DAPK1: variants seen among roughly 807,000 people sequenced by gnomAD.
The protein encoded by DAPK1 is death associated protein kinase 1.
In DAPK1, 56 loss-of-function variants were observed where a neutral mutation model predicts 144.9. That is an observed-to-expected ratio of 0.39 (90% confidence interval 0.31 to 0.48). The LOEUF (loss-of-function observed/expected upper bound fraction) is 0.48, where lower values mean the gene tolerates loss of function less well. Ranked by LOEUF, DAPK1 falls within the 20% of genes least tolerant of loss-of-function variation. DAPK1 has a pLI of 0.95. For missense variants in DAPK1, 1,454 were observed against 1,875.4 expected (o/e 0.78, Z 4.15); for synonymous variants, 690 against 749.0 (o/e 0.92, Z 1.29).
chr9:87,700,574 C>T (rs1587854996), intron 24 of DAPK1, among the ~76,000 whole-genome samples: 1 of 152,166 alleles, frequency 6.6e-6, no homozygotes, highest in East Asian at 1.9e-4. Flanking sequence ...TCATAGCTCA[C>T]CGTAACCTTG....
At chr9:87,674,539 A>AC (rs1824294783) in intron 19 of DAPK1, among the ~76,000 whole-genome samples, 1 of 144,080 alleles carries the variant, frequency 6.9e-6, no homozygotes, top group African/African-American at 2.5e-5. Flanking sequence ...AAAAAAAAAA[A>AC]GTAGTTTGCT....
chr9:87,638,953 C>T (rs541887144), intron 4 of DAPK1, among the ~76,000 whole-genome samples: 2 of 152,368 alleles, frequency 1.3e-5, no homozygotes, highest in South Asian at 4.1e-4. Context: ...AAGCAACTGT[C>T]AGCCATGGAG....
intron 2 of DAPK1, among the ~76,000 whole-genome samples, chr9:87,583,444 G>C (rs552096062): frequency 6.6e-6 from 1 of 152,160 alleles, no homozygotes; most frequent in Non-Finnish European, 1.5e-5. Context: ...CCAAGCAATA[G>C]GCTTGCTAAT....
intron 2 of DAPK1, among the ~76,000 whole-genome samples, chr9:87,599,328 A>C (rs1329708949): frequency 6.6e-6 from 1 of 152,224 alleles, no homozygotes; most frequent in Non-Finnish European, 1.5e-5. Flanking sequence ...ATTATTAATA[A>C]AGAAATATGT....
chr9:87,677,614 C>T (rs981670250), intron 19 of DAPK1, among the ~76,000 whole-genome samples: 1 of 152,214 alleles, frequency 6.6e-6, no homozygotes, highest in Non-Finnish European at 1.5e-5. Flanking sequence ...TCTGCCTTCC[C>T]CTGGTCTCAG....
chr9:87,591,727 G>T (rs572213951), intron 2 of DAPK1, among the ~76,000 whole-genome samples: 12 of 152,326 alleles, frequency 7.9e-5, no homozygotes, highest in African/African-American at 2.9e-4. Context: ...CTGGAAAAAT[G>T]AGTTCTGTTA....
chr9:87,563,770 C>T (rs1327858779), intron 2 of DAPK1, among the ~76,000 whole-genome samples: 1 of 152,110 alleles, frequency 6.6e-6, no homozygotes, highest in African/African-American at 2.4e-5. Flanking sequence ...TGAGCCTAGC[C>T]AGCACCAGGA....
chr9:87,615,503 A>C (rs930726092), intron 3 of DAPK1, among the ~76,000 whole-genome samples: 3 of 152,256 alleles, frequency 2.0e-5, no homozygotes, highest in African/African-American at 7.2e-5. Context: ...CAGAAGTGTC[A>C]TTGACGTTTC....
At chr9:87,534,389 C>T (rs145993268) in intron 2 of DAPK1, among the ~76,000 whole-genome samples, 5 of 151,924 alleles carry the variant, frequency 3.3e-5, no homozygotes, top group East Asian at 3.9e-4. Flanking sequence ...ATTGGATCTT[C>T]GAAGGCCCTA....
intron 21 of DAPK1, among the ~76,000 whole-genome samples, chr9:87,689,028 G>T (rs776615399): frequency 1.3e-5 from 2 of 152,036 alleles, no homozygotes; most frequent in Non-Finnish European, 2.9e-5. Context: ...ATCCAAAATG[G>T]TGTTTCCTAG....
intron 17 of DAPK1, among the ~76,000 whole-genome samples, chr9:87,652,276 C>CA (rs1830472670): frequency 2.7e-5 from 3 of 109,842 alleles, no homozygotes; most frequent in Admixed American, 2.7e-4. Context: ...CCCCCGATCC[C>CA]GGGTCCTGAT....
At chr9:87,632,317 G>C in intron 3 of DAPK1, 7 of 982,588 alleles carry the variant, frequency 7.1e-6, no homozygotes, top group Non-Finnish European at 7.2e-6. Context: ...AGGAAGATGA[G>C]TATACATGTA....
At chr9:87,695,061 C>A (rs1327218714) in intron 21 of DAPK1, among the ~76,000 whole-genome samples, 1 of 149,736 alleles carries the variant, frequency 6.7e-6, no homozygotes, top group Non-Finnish European at 1.5e-5. Context: ...CCTCTGAGCT[C>A]CCCAGAGCAG....
chr9:87,502,943 C>T (rs1204558966), intron 2 of DAPK1, among the ~76,000 whole-genome samples: 1 of 152,078 alleles, frequency 6.6e-6, no homozygotes, highest in Non-Finnish European at 1.5e-5. Flanking sequence ...ATGCATGCCT[C>T]AATGAGCTAA....
At chr9:87,630,570 G>C (rs1362857035) in intron 3 of DAPK1, among the ~76,000 whole-genome samples, 1 of 152,162 alleles carries the variant, frequency 6.6e-6, no homozygotes, top group African/African-American at 2.4e-5. Context: ...GATTACATCG[G>C]ATGTTTTGGG....
intron 2 of DAPK1, among the ~76,000 whole-genome samples, chr9:87,537,132 G>A (rs972319422): frequency 3.9e-5 from 6 of 151,978 alleles, no homozygotes; most frequent in Non-Finnish European, 7.4e-5. Flanking sequence ...GATTACAGGC[G>A]CCTGCCACCA....
chr9:87,659,698 T>A (rs1830762882), intron 18 of DAPK1, among the ~76,000 whole-genome samples: 1 of 152,072 alleles, frequency 6.6e-6, no homozygotes, highest in Non-Finnish European at 1.5e-5. Context: ...ACCTCCTTGC[T>A]CTCCCGCTTG....
chr9:87,510,794 A>G (rs1366679244), intron 2 of DAPK1, among the ~76,000 whole-genome samples: 1 of 152,110 alleles, frequency 6.6e-6, no homozygotes, highest in Non-Finnish European at 1.5e-5. Flanking sequence ...ATTAGCTGTT[A>G]CTTTGGGAAA....
rs763654839 is a variant in DAPK1, at chr9:87,686,665, C to T, written c.2339C>T (p.Pro780Leu). 8.1e-6 allele frequency: 13 copies of T among 1,612,694 alleles called. No homozygotes were observed. Among genetic ancestry groups the T allele is most frequent in the African/African-American group, 1.3e-5 (1 of 74,986 alleles). Reference sequence around the variant, plus strand: ...GGGATGCTGGAGGTGTTTGTGGCCCCGACCCACCACCCGCACTGCTCGGCC... The same window carrying T: ...GGGATGCTGGAGGTGTTTGTGGCCCTGACCCACCACCCGCACTGCTCGGCC... ...TKGMLEVFVA[P>L]THHPHCSADD... The change falls in exon 21 of 26, where the codon CCG becomes CTG. Residue 780 changes from proline (P) to leucine (L), a missense_variant. Pro to Leu is a moderately conservative substitution (Grantham distance 98, BLOSUM62 -3). Coordinates refer to ENST00000408954, the MANE Select transcript of DAPK1 (RefSeq NM_004938.4). This position sits in a 1 kb window ranked among gnomAD's most constrained non-coding sequence, Gnocchi z 4.2.
Sources: gnomAD v4.1 joint callset for allele counts (sites outside exome capture counted in the v4.1 genomes callset) on GRCh38, gnomAD v4.1.1 for gene constraint, Gnocchi (gnomAD v3.1) non-coding constraint, MANE v1.5 for transcripts, NCBI Gene and HGNC (gene_info 2026-07-23, HGNC 2026-07-21) for gene names.